Variants in CYB5A observed in about 807,000 individuals in gnomAD.
CYB5A encodes the protein cytochrome b5.
CYB5A carries 10 observed loss-of-function variants against 16.2 expected under a neutral mutation model. The ratio of observed to expected loss-of-function variants is 0.62; its 90% CI spans 0.38 to 1.04. The LOEUF (loss-of-function observed/expected upper bound fraction) is 1.04. Among genes scored for constraint, CYB5A ranks in the 50% least tolerant of loss-of-function variants. The pLI, the probability that CYB5A is intolerant of heterozygous loss-of-function variation, is 0.01. For synonymous variants in CYB5A, 62 were observed against 57.0 expected (o/e 1.09, Z -0.40); for missense variants, 161 against 165.9 (o/e 0.97, Z 0.16).
intron 1 of CYB5A, among the ~76,000 whole-genome samples, chr18:74,278,838 C>T (rs930840506): frequency 6.6e-6 from 1 of 152,212 alleles, no homozygotes; most frequent in South Asian, 2.1e-4. Context: ...CTAAAACGTA[C>T]TGGTAACCAA....
intron 1 of CYB5A, among the ~76,000 whole-genome samples, chr18:74,286,795 A>C (rs1039620764): frequency 6.6e-6 from 1 of 152,198 alleles, no homozygotes; most frequent in Non-Finnish European, 1.5e-5. Flanking sequence ...ACATTCAGTA[A>C]AATTGTGCAT....
chr18:74,255,925 A>G (rs555049557), intron 3 of CYB5A, 150 bp from the exon 4 acceptor site: 13 of 641,076 alleles, frequency 2.0e-5, no homozygotes, highest in Admixed American at 1.5e-4. Flanking sequence ...ACTTCTTTTC[A>G]CTAAAATGCC....
chr18:74,275,417 C>T (rs1790868), intron 1 of CYB5A, among the ~76,000 whole-genome samples: 3,432 of 152,080 alleles, frequency 0.023, 109 homozygotes, highest in African/African-American at 0.077. Flanking sequence ...GTTGAGATAC[C>T]GCCTCCGAGC....
At chr18:74,291,371 G>A (rs1983529321) in intron 1 of CYB5A, among the ~76,000 whole-genome samples, 1 of 151,472 alleles carries the variant, frequency 6.6e-6, no homozygotes, top group Admixed American at 6.6e-5. Context: ...GCAGGTGTAC[G>A]GATTCGGGGA....
intron 3 of CYB5A, 196 bp from the exon 4 acceptor site, chr18:74,255,971 CATT>C (rs1981962400): frequency 1.7e-6 from 1 of 575,210 alleles, no homozygotes; most frequent in African/African-American, 1.9e-5. Context: ...ACATTTTAAT[CATT>C]ATATTTACTT....
chr18:74,280,825 C>T (rs942402899), intron 1 of CYB5A, among the ~76,000 whole-genome samples: 5 of 152,080 alleles, frequency 3.3e-5, no homozygotes, highest in East Asian at 1.9e-4. Context: ...CATGGACATA[C>T]GTATGTGTCC....
At chr18:74,291,342 C>G (rs73970043) in intron 1 of CYB5A, among the ~76,000 whole-genome samples, 8 of 152,208 alleles carry the variant, frequency 5.3e-5, no homozygotes, top group Admixed American at 3.9e-4. Context: ...CCGCGCAGGG[C>G]GCTCCCAGGT....
At chr18:74,289,982 T>A (rs1289010937) in intron 1 of CYB5A, among the ~76,000 whole-genome samples, 1 of 152,108 alleles carries the variant, frequency 6.6e-6, no homozygotes, top group Non-Finnish European at 1.5e-5. Flanking sequence ...TAATATAAAA[T>A]ATCCTAATAT....
chr18:74,273,816 C>T lies in CYB5A; in HGVS notation c.130-10339G>A, dbSNP rs567052029. On this transcript the variant is annotated intron_variant, in intron 1 of 4. Coordinates refer to ENST00000340533, the MANE Select transcript of CYB5A (RefSeq NM_148923.4). ...AACAGGCTTCCTTCCTTCATACCTA[C>T]ATAAGAACCTCGCTGAGAAGACACG... Among the ~76,000 whole-genome samples the T allele has an allele frequency of 6.6e-5, 10 of 152,328 alleles. No individual in the cohort carries two copies. In the South Asian group the frequency reaches 8.3e-4, roughly 13 times the overall value.
At chr18:74,258,363 T>C (rs567087321) in intron 3 of CYB5A, 6 of 152,374 alleles carry the variant, frequency 3.9e-5, no homozygotes, top group African/African-American at 1.2e-4. Context: ...ATATTCTCTA[T>C]GTAAGCAAAT....
chr18:74,274,284 T>C (rs976603950), intron 1 of CYB5A, among the ~76,000 whole-genome samples: 1 of 152,240 alleles, frequency 6.6e-6, no homozygotes, highest in Non-Finnish European at 1.5e-5. Flanking sequence ...TCCACTTCTT[T>C]TTAGAATGAG....
At chr18:74,291,469 G>T (rs570837287) in intron 1 of CYB5A, among the ~76,000 whole-genome samples, 1 of 111,362 alleles carries the variant, frequency 9.0e-6, no homozygotes, top group East Asian at 2.1e-4. Context: ...CGAGGAGAGC[G>T]CCCAGGTGTA....
intron 1 of CYB5A, among the ~76,000 whole-genome samples, chr18:74,288,847 A>G (rs1263301634): frequency 6.6e-6 from 1 of 152,260 alleles, no homozygotes; most frequent in Admixed American, 6.5e-5. Context: ...AGAAAGTCAA[A>G]GCAAATAATA....
chr18:74,261,201 G>C, intron 2 of CYB5A: 1 of 445,556 alleles, frequency 2.2e-6, no homozygotes, highest in Non-Finnish European at 4.2e-6. Context: ...TGTACATGCT[G>C]ATGTGCACAC....
At chr18:74,276,925 A>G (rs1028836086) in intron 1 of CYB5A, among the ~76,000 whole-genome samples, 8 of 152,194 alleles carry the variant, frequency 5.3e-5, no homozygotes, top group African/African-American at 1.7e-4. Flanking sequence ...AAAGACAACC[A>G]TAACAAAAAA....
chr18:74,283,592 A>G (rs1983201018), intron 1 of CYB5A, among the ~76,000 whole-genome samples: 1 of 152,202 alleles, frequency 6.6e-6, no homozygotes, highest in African/African-American at 2.4e-5. Context: ...CTTTGTTCAG[A>G]TATTTGCATC....
rs1235657402 is a variant in CYB5A at position 74,251,314 on chromosome 18, AT to A, written c.*2269del. On this transcript the variant is annotated 3_prime_UTR_variant, in exon 5 of 5. Transcript: ENST00000340533. ...TATGCATTTTAGGGAGACATGAGAC[AT>A]TGATCAATATATGTAAGAAGTACAT... 1.3e-5 allele frequency: 2 copies of A among 152,578 alleles called. No homozygotes were observed. The highest frequency in any genetic ancestry group is 2.9e-5 in the Non-Finnish European group (2 of 68,116). The allele number at this position is 152,578 out of a possible 1,614,324, so 9.5% of individuals were successfully genotyped here.
At chr18:74,286,864 C>T (rs1355112889) in intron 1 of CYB5A, among the ~76,000 whole-genome samples, 1 of 152,240 alleles carries the variant, frequency 6.6e-6, no homozygotes, top group African/African-American at 2.4e-5. Flanking sequence ...TCCTTATTTA[C>T]AATTTTCATC....
intron 1 of CYB5A, among the ~76,000 whole-genome samples, chr18:74,282,948 TCA>T (rs1174234630): frequency 6.6e-6 from 1 of 152,186 alleles, no homozygotes; most frequent in East Asian, 1.9e-4. Context: ...CTCCTAGAAA[TCA>T]CACTTTTCAA....
Sources: allele counts gnomAD v4.1 joint callset (sites outside exome capture counted in the v4.1 genomes callset), GRCh38; gene constraint gnomAD v4.1.1; transcripts MANE v1.5; gene names NCBI Gene and HGNC (gene_info 2026-07-23, HGNC 2026-07-21).